The following CALN1 variants were observed in gnomAD, a reference collection of about 807,000 sequenced individuals.
CALN1 encodes calcium-binding protein 8.
Under a neutral mutation model 30.6 loss-of-function variants are expected in CALN1, and 17 were observed. The ratio of observed to expected loss-of-function variants is 0.56; its 90% CI spans 0.38 to 0.83. CALN1 has a LOEUF of 0.83. Ranked by LOEUF, CALN1 falls within the 40% of genes least tolerant of loss-of-function variation. The pLI is 0.00. For missense variants in CALN1, 291 were observed against 354.9 expected (o/e 0.82, Z 1.45); for synonymous variants, 156 against 131.4 (o/e 1.19, Z -1.28).
chr7:72,180,058 C>T (rs1424041305), intron 3 of CALN1, among the ~76,000 whole-genome samples: 1 of 152,204 alleles, frequency 6.6e-6, no homozygotes, highest in East Asian at 1.9e-4. Flanking sequence ...CCCACCCTCC[C>T]CAGCTGCTCA....
intron 5 of CALN1, among the ~76,000 whole-genome samples, chr7:71,922,221 C>G (rs191876495): frequency 5.3e-5 from 8 of 152,200 alleles, no homozygotes; most frequent in African/African-American, 1.9e-4. Flanking sequence ...TATCTTGTCT[C>G]TTTGGCACGC....
intron 2 of CALN1, among the ~76,000 whole-genome samples, chr7:72,363,779 T>A (rs1803710293): frequency 7.1e-6 from 1 of 139,864 alleles, no homozygotes; most frequent in Admixed American, 8.0e-5. Context: ...CAGGCTGGAG[T>A]GCAGTGGCAC....
intron 5 of CALN1, among the ~76,000 whole-genome samples, chr7:71,920,753 C>A (rs1206638077): frequency 6.6e-6 from 1 of 152,114 alleles, no homozygotes; most frequent in Non-Finnish European, 1.5e-5. Flanking sequence ...TAAACATTTT[C>A]TTTTCATTAT....
At chr7:71,796,512 AC>A (rs1786933911) in intron 6 of CALN1, among the ~76,000 whole-genome samples, 1 of 151,904 alleles carries the variant, frequency 6.6e-6, no homozygotes, top group African/African-American at 2.4e-5. Context: ...GGCTCCCGCC[AC>A]CACGCCCGGC....
At chr7:72,342,265 A>T (rs1444875808) in intron 2 of CALN1, among the ~76,000 whole-genome samples, 1 of 151,628 alleles carries the variant, frequency 6.6e-6, no homozygotes, top group Non-Finnish European at 1.5e-5. Context: ...TCTCAAAAAA[A>T]AAAAAAAAAA....
the CALN1 span, among the ~76,000 whole-genome samples, chr7:72,490,589 G>A: frequency 4.5e-4 from 68 of 152,270 alleles, no homozygotes; most frequent in African/African-American, 1.5e-3. Flanking sequence ...TGGAGGAGGC[G>A]CCTGGTGGGA....
chr7:72,239,921 C>A (rs1794724819), intron 3 of CALN1, among the ~76,000 whole-genome samples: 1 of 152,158 alleles, frequency 6.6e-6, no homozygotes, highest in African/African-American at 2.4e-5. Flanking sequence ...CCAGCAGAGA[C>A]AACACAAGCC....
intron 3 of CALN1, among the ~76,000 whole-genome samples, chr7:72,179,541 T>A (rs1178215518): frequency 6.6e-6 from 1 of 152,020 alleles, no homozygotes; most frequent in Admixed American, 6.6e-5. Flanking sequence ...ATCATGAAAA[T>A]TAAAACTGAA....
intron 5 of CALN1, among the ~76,000 whole-genome samples, chr7:71,902,275 A>T (rs1402977653): frequency 1.3e-5 from 2 of 151,956 alleles, no homozygotes; most frequent in Non-Finnish European, 2.9e-5. Flanking sequence ...CAATCAAAAA[A>T]AAAAAACATA....
At chr7:72,325,469 T>G (rs901825018) in intron 2 of CALN1, among the ~76,000 whole-genome samples, 1 of 151,930 alleles carries the variant, frequency 6.6e-6, no homozygotes, top group African/African-American at 2.4e-5. Flanking sequence ...GGCGTGGTGG[T>G]GAGCACCAGT....
At chr7:72,254,767 C>G (rs1273011151) in intron 3 of CALN1, among the ~76,000 whole-genome samples, 5 of 151,860 alleles carry the variant, frequency 3.3e-5, no homozygotes, top group African/African-American at 9.7e-5. Flanking sequence ...TATTCTTTTT[C>G]TTTCCCCCCC....
chr7:71,948,555 T>C (rs1276104405), intron 5 of CALN1, among the ~76,000 whole-genome samples: 1 of 151,704 alleles, frequency 6.6e-6, no homozygotes, highest in Non-Finnish European at 1.5e-5. Flanking sequence ...CACGGTGAGA[T>C]CCCCGTCTCT....
chr7:71,864,418 A>T (rs527701760), intron 5 of CALN1, among the ~76,000 whole-genome samples: 1 of 152,332 alleles, frequency 6.6e-6, no homozygotes, highest in South Asian at 2.1e-4. Flanking sequence ...ATTCATGGGC[A>T]GCCTGTAAGA....
chr7:72,163,648 A>G (rs568477425), intron 3 of CALN1, among the ~76,000 whole-genome samples: 2 of 152,290 alleles, frequency 1.3e-5, no homozygotes, highest in Admixed American at 1.3e-4. Context: ...AGTAATAAAA[A>G]GTTCACTGGA....
At chr7:72,332,392 G>C (rs1020029493) in intron 2 of CALN1, among the ~76,000 whole-genome samples, 10 of 151,982 alleles carry the variant, frequency 6.6e-5, no homozygotes, top group African/African-American at 2.2e-4. Context: ...TCTCGGTGTT[G>C]CCATGGCAAC....
intron 1 of CALN1, among the ~76,000 whole-genome samples, chr7:72,427,731 T>C (rs1807842540): frequency 6.6e-6 from 1 of 152,092 alleles, no homozygotes; most frequent in Non-Finnish European, 1.5e-5. Flanking sequence ...TCTTCCCACC[T>C]TGGCCTCCTG....
intron 2 of CALN1, among the ~76,000 whole-genome samples, chr7:72,369,934 GTT>G (rs1191778519): frequency 1.3e-5 from 2 of 152,162 alleles, no homozygotes; most frequent in African/African-American, 4.8e-5. Flanking sequence ...TAGTAGTCAT[GTT>G]TGAGTCTTTC....
rs1245017255 is a variant in CALN1 at position 72,337,057 on chromosome 7, C to G, written c.120-58247G>C. ...CTGCACCGCGCGCTCCTCTACCCCT[C>G]CCGCTCCCGCTGGCCGCGCGGGTTC... On this transcript the variant is annotated intron_variant, in intron 2 of 6. Coordinates refer to ENST00000395275, the MANE Select transcript of CALN1 (RefSeq NM_031468.4). 8 of 985,624 alleles carry G rather than the reference C, an allele frequency of 8.1e-6. No homozygotes were observed. The South Asian group carries it at 3.3e-4, about 41-fold the overall frequency. 61.1% of individuals were successfully genotyped at this position (985,624 alleles called of 1,614,324 possible). A position where few individuals can be genotyped will look rare whatever the true frequency, so the allele number is the denominator to read the frequency against.
intron 5 of CALN1, among the ~76,000 whole-genome samples, chr7:71,841,950 T>C (rs956395531): frequency 6.6e-6 from 1 of 151,794 alleles, no homozygotes; most frequent in Non-Finnish European, 1.5e-5. Context: ...ACCCCAGCAT[T>C]GTACAATATA....
Sources: gnomAD v4.1 joint callset for allele counts (sites outside exome capture counted in the v4.1 genomes callset) on GRCh38, gnomAD v4.1.1 for gene constraint, MANE v1.5 for transcripts, NCBI Gene and HGNC (gene_info 2026-07-23, HGNC 2026-07-21) for gene names.